The following TMEM108 variants were observed in gnomAD, a reference collection of about 807,000 sequenced individuals.
The protein encoded by TMEM108 is cancer/testis antigen 124.
Under a neutral mutation model 35.1 loss-of-function variants are expected in TMEM108, and 12 were observed. That is an observed-to-expected ratio of 0.34 (90% CI 0.22 to 0.55). The LOEUF (loss-of-function observed/expected upper bound fraction) is 0.55, where lower values mean the gene tolerates loss of function less well. TMEM108 is among the 20% of genes least tolerant of loss of function. TMEM108 has a pLI of 0.89. For synonymous variants in TMEM108, 287 were observed against 308.6 expected (o/e 0.93, Z 0.73); for missense variants, 680 against 753.3 (o/e 0.90, Z 1.14).
At chr3:133,228,513 C>A (rs1946107442) in intron 2 of TMEM108, among the ~76,000 whole-genome samples, 1 of 151,894 alleles carries the variant, frequency 6.6e-6, no homozygotes, top group African/African-American at 2.4e-5. Context: ...GTTTCCATTT[C>A]TAGGAATTTA....
intron 3 of TMEM108, among the ~76,000 whole-genome samples, chr3:133,276,194 A>G (rs1037135186): frequency 1.5e-4 from 23 of 152,216 alleles, no homozygotes; most frequent in Admixed American, 9.8e-4. Flanking sequence ...TGAATTTCAT[A>G]TAAAATTCAA....
At chr3:133,223,446 A>G (rs1489817119) in intron 2 of TMEM108, among the ~76,000 whole-genome samples, 1 of 152,182 alleles carries the variant, frequency 6.6e-6, no homozygotes, top group Non-Finnish European at 1.5e-5. Flanking sequence ...ATGGGCCTGG[A>G]GCATGGGTTG....
chr3:133,084,317 G>GACTTCT (rs1943853271), intron 2 of TMEM108, among the ~76,000 whole-genome samples: 2 of 152,096 alleles, frequency 1.3e-5, no homozygotes, highest in Non-Finnish European at 2.9e-5. Flanking sequence ...CCTTCAAACA[G>GACTTCT]ACTTCTGTTA....
chr3:133,106,167 G>A (rs1218317668), intron 2 of TMEM108, among the ~76,000 whole-genome samples: 2 of 149,252 alleles, frequency 1.3e-5, no homozygotes, highest in Non-Finnish European at 1.5e-5. Flanking sequence ...CCAATTGAGA[G>A]GTTAAAGGTT....
At chr3:133,168,591 GGACCAATCAGCACTCTGTAAAACA>G (rs1945079656) in intron 2 of TMEM108, among the ~76,000 whole-genome samples, 2 of 152,024 alleles carry the variant, frequency 1.3e-5, no homozygotes, top group Non-Finnish European at 2.9e-5. Context: ...TCTGTAAAAC[GGACCAATCAGCACTCTGTAAAACA>G]GACCAATCAG....
At chr3:133,049,839 C>T (rs1943382452) in intron 2 of TMEM108, among the ~76,000 whole-genome samples, 1 of 152,126 alleles carries the variant, frequency 6.6e-6, no homozygotes, top group South Asian at 2.1e-4. Flanking sequence ...TTCACCTCCC[C>T]TACTTCCAAT....
rs139376732 is a variant in TMEM108 at position 133,379,783 on chromosome 3, G to A, written c.72G>A (p.Ala24=). 1.3e-4 allele frequency: 205 copies of A among 1,613,828 alleles called. No homozygotes were observed. In the Middle Eastern group the frequency reaches 1.5e-3, roughly 12 times the overall value. Residue 24 remains alanine, a synonymous_variant, in exon 4 of 6, where the codon GCG becomes GCA. Transcript: ENST00000321871. ...SFLLILALTE[A]LAFAIQEPSP... The stretch of plus-strand genomic sequence containing the variant: ...TGCTGATCTTGGCACTGACCGAAGC[G>A]CTGGCATTTGCCATCCAGGAACCAT...
At chr3:133,109,703 G>GA (rs1416907226) in intron 2 of TMEM108, among the ~76,000 whole-genome samples, 2 of 152,160 alleles carry the variant, frequency 1.3e-5, no homozygotes, top group African/African-American at 4.8e-5. Context: ...TAAAGGTATG[G>GA]AAAACATGAG....
At chr3:133,156,793 G>T (rs60743080) in intron 2 of TMEM108, among the ~76,000 whole-genome samples, 15,886 of 152,078 alleles carry the variant, frequency 0.1, 1,013 homozygotes, top group South Asian at 0.17. Flanking sequence ...AATGAAATGT[G>T]GGCCCAAGTG....
At chr3:133,173,800 C>G (rs2107793041) in intron 2 of TMEM108, among the ~76,000 whole-genome samples, 1 of 152,332 alleles carries the variant, frequency 6.6e-6, no homozygotes, top group Middle Eastern at 3.4e-3. Context: ...GCATATCCAA[C>G]TGAGGTACCG....
intron 3 of TMEM108, among the ~76,000 whole-genome samples, chr3:133,333,913 C>T (rs542742069): frequency 1.0e-3 from 153 of 152,310 alleles, no homozygotes; most frequent in Non-Finnish European, 1.9e-3. Context: ...AATTACATTT[C>T]GTCCATTAAT....
At chr3:133,255,985 G>A (rs538303314) in intron 3 of TMEM108, among the ~76,000 whole-genome samples, 50 of 152,274 alleles carry the variant, frequency 3.3e-4, no homozygotes, top group African/African-American at 1.2e-3. Context: ...GACAGAGTGA[G>A]TCTCCTTCTC....
At position 133,052,916 on chromosome 3, in the gene TMEM108, T is replaced by C. The variant is rs560327414; in HGVS notation, c.-47+6896T>C. On this transcript the variant is annotated intron_variant, in intron 2 of 5. Transcript: ENST00000321871. ...TACCCTCTGATTGAGAATCACTGAC[T>C]GCTAGAAAGAGATGAGTTTGATGGG... 4.4e-4 allele frequency among the ~76,000 whole-genome samples: 67 copies of C among 152,286 alleles called. 1 individual carries two copies. In the South Asian group the frequency reaches 0.014, roughly 32 times the overall value.
intron 3 of TMEM108, among the ~76,000 whole-genome samples, chr3:133,308,158 G>A (rs1328695391): frequency 6.6e-6 from 1 of 152,078 alleles, no homozygotes; most frequent in Non-Finnish European, 1.5e-5. Flanking sequence ...TTGGCTCTCT[G>A]TTTGTCTGTT....
At chr3:133,321,011 C>A (rs2071260656) in intron 3 of TMEM108, among the ~76,000 whole-genome samples, 1 of 152,092 alleles carries the variant, frequency 6.6e-6, no homozygotes, top group Non-Finnish European at 1.5e-5. Context: ...ACAAGAAATT[C>A]TAAAAAGAGA....
At chr3:133,358,354 T>G (rs1259321820) in intron 3 of TMEM108, among the ~76,000 whole-genome samples, 3 of 152,028 alleles carry the variant, frequency 2.0e-5, no homozygotes, top group Non-Finnish European at 4.4e-5. Flanking sequence ...GTATTTTTAG[T>G]AGAGACGGGG....
intron 2 of TMEM108, among the ~76,000 whole-genome samples, chr3:133,116,834 G>A (rs1242508859): frequency 6.6e-6 from 1 of 152,194 alleles, no homozygotes; most frequent in Non-Finnish European, 1.5e-5. Flanking sequence ...GGAGCGCAAT[G>A]GCGTGATCTC....
intron 1 of TMEM108, chr3:133,041,652 G>C (rs1353729319): frequency 6.6e-6 from 1 of 152,266 alleles, no homozygotes; most frequent in Non-Finnish European, 1.5e-5. Flanking sequence ...GAAGGGAGAA[G>C]GCAGAGAGTA....
At chr3:133,370,286 T>G (rs1178156946) in intron 3 of TMEM108, among the ~76,000 whole-genome samples, 1 of 152,186 alleles carries the variant, frequency 6.6e-6, no homozygotes, top group African/African-American at 2.4e-5. Context: ...TCTGACCCTT[T>G]GCAGTTTTGA....
Sources: gnomAD v4.1 joint callset for allele counts (sites outside exome capture counted in the v4.1 genomes callset) on GRCh38, gnomAD v4.1.1 for gene constraint, MANE v1.5 for transcripts, NCBI Gene and HGNC (gene_info 2026-07-23, HGNC 2026-07-21) for gene names.